Variants in FKBP15 observed in about 807,000 individuals in gnomAD.
FKBP15 encodes the protein FK506-binding protein 15.
In FKBP15, 106 loss-of-function variants were observed where a neutral mutation model predicts 158.1. The observed-to-expected ratio is 0.67, with a 90% CI of 0.57 to 0.79. FKBP15 has a LOEUF of 0.79. Ranked by LOEUF, FKBP15 falls within the 30% of genes least tolerant of loss-of-function variation. The pLI, the probability that FKBP15 is intolerant of heterozygous loss-of-function variation, is 0.00. For synonymous variants in FKBP15, 547 were observed against 548.6 expected, an observed-to-expected ratio of 1.00 and a Z score of 0.04; for missense variants, 1,287 against 1,479.1, an observed-to-expected ratio of 0.87 and a Z score of 2.13.
At chr9:113,195,606 C>A (rs1219245980) in intron 9 of FKBP15, among the ~76,000 whole-genome samples, 1 of 152,154 alleles carries the variant, frequency 6.6e-6, no homozygotes, top group Non-Finnish European at 1.5e-5. Context: ...GAAGCACATC[C>A]TTTCTCTGTG....
chr9:113,185,321 G>A (rs547331899), intron 15 of FKBP15, among the ~76,000 whole-genome samples: 20 of 152,306 alleles, frequency 1.3e-4, no homozygotes, highest in Admixed American at 3.9e-4. Flanking sequence ...GGTGACACGC[G>A]TACACAGTTG....
chr9:113,171,755 T>C, intron 23 of FKBP15, 49 bp from the exon 24 acceptor site: 1 of 1,135,852 alleles, frequency 8.8e-7, no homozygotes, highest in Non-Finnish European at 1.2e-6. Context: ...CAGGTGAAGG[T>C]CAGAAAACCC....
At chr9:113,192,428 A>G (rs1328154141) in intron 11 of FKBP15, among the ~76,000 whole-genome samples, 2 of 152,210 alleles carry the variant, frequency 1.3e-5, no homozygotes, top group African/African-American at 4.8e-5. Flanking sequence ...CACAGGCAGC[A>G]AACTCAGAAG....
chr9:113,179,507 C>T (rs1830355450), intron 19 of FKBP15, among the ~76,000 whole-genome samples: 1 of 151,692 alleles, frequency 6.6e-6, no homozygotes, highest in Non-Finnish European at 1.5e-5. Flanking sequence ...ACTAAAAATA[C>T]AAAAATTAGC....
intron 9 of FKBP15, among the ~76,000 whole-genome samples, chr9:113,195,983 A>T (rs902413997): frequency 6.6e-6 from 1 of 152,030 alleles, no homozygotes; most frequent in African/African-American, 2.4e-5. Flanking sequence ...TGTACATATG[A>T]CTATGTATAT....
At position 113,168,498 on chromosome 9, in the gene FKBP15, G is replaced by C; in HGVS notation, c.3544C>G (p.Pro1182Ala). ...FKGATLKALR[P>A]KAQPEEEDED... ...TCCTCCTCCTCAGGCTGTGCTTTGG[G>C]CCTCAGAGCTTTCAGAGTTGCCCCT... The change falls in exon 27 of 28, where the codon CCC becomes GCC. Residue 1182 changes from proline to alanine, a missense_variant. Coordinates refer to ENST00000238256, the MANE Select transcript of FKBP15 (RefSeq NM_015258.2). 2.5e-6 allele frequency: 4 copies of C among 1,613,936 alleles called. No individual in the cohort carries two copies. Among genetic ancestry groups the C allele is most frequent in the Non-Finnish European group, 3.4e-6 (4 of 1,179,862 alleles).
Position 113,171,691 on chromosome 9 carries a change from C to G in FKBP15, c.2548G>C (p.Ala850Pro). 6.3e-7 allele frequency: 1 copy of G among 1,596,494 alleles called. No homozygotes were observed. Among genetic ancestry groups the G allele is most frequent in the Non-Finnish European group, 8.5e-7 (1 of 1,171,182 alleles). Residue 850 changes from alanine (A) to proline (P), a missense_variant, in exon 24 of 28, where the codon GCC (alanine) becomes CCC (proline). Coordinates refer to ENST00000238256, the MANE Select transcript of FKBP15 (RefSeq NM_015258.2). ...TGCTTGGTGAGAGCTGTGATTTGGG[C>G]CTGGAGGGCTAAACACTGCAAAACA... ...QLQEKCLALQ[A>P]QITALTKQNE...
At chr9:113,205,902 G>A (rs73655845) in intron 4 of FKBP15, 34,602 of 151,960 alleles carry the variant, frequency 0.23, 4,612 homozygotes, top group African/African-American at 0.36. Flanking sequence ...TATGTGAAAT[G>A]AAATACATCA....
Position 113,184,539 on chromosome 9 carries a change from A to G in FKBP15, c.1609-140T>C. The G allele has an allele frequency of 1.1e-6, 1 of 912,038 alleles. No homozygotes were observed. The highest frequency in any genetic ancestry group is 2.2e-4 in the Middle Eastern group (1 of 4,640). 56.5% of individuals were successfully genotyped at this position (912,038 alleles called of 1,614,324 possible). ...AACTGTTAAGTTAGAGTTTTCTCCT[A>G]CTAACTGGATCCCAACATAATTATA... On this transcript the variant is annotated intron_variant, in intron 16 of 27. Coordinates refer to ENST00000238256, the MANE Select transcript of FKBP15 (RefSeq NM_015258.2). This position sits in a 1 kb window ranked among gnomAD's most constrained non-coding sequence, Gnocchi z 4.5.
chr9:113,200,288 TAAGTA>T (rs992423093), intron 6 of FKBP15, among the ~76,000 whole-genome samples: 3 of 152,190 alleles, frequency 2.0e-5, no homozygotes, highest in African/African-American at 7.2e-5. Context: ...TGAGCTAATA[TAAGTA>T]GAGTACTTGA....
chr9:113,171,419 C>T (rs1045419418), intron 24 of FKBP15, among the ~76,000 whole-genome samples, 162 bp downstream of exon 24: 42 of 152,108 alleles, frequency 2.8e-4, no homozygotes, highest in Admixed American at 6.5e-5. Flanking sequence ...AGTGAGACTC[C>T]GTCTCAAACA....
At chr9:113,193,948 C>T (rs963790084) in intron 10 of FKBP15, 79 bp downstream of exon 10, 3 of 1,427,904 alleles carry the variant, frequency 2.1e-6, no homozygotes, top group African/African-American at 2.9e-5. Context: ...TAGTTTTTAA[C>T]TATATCTCTA....
rs1342936467 is a variant in FKBP15, at chr9:113,179,755, C to T, written c.1915-954G>A. The stretch of plus-strand genomic sequence containing the variant: ...CTGTGGGGTAATCATTCTTTTATTC[C>T]TTCACTTAATAAACTTGCTTTCACT... On this transcript the variant is annotated intron_variant, in intron 19 of 27. Transcript: ENST00000238256. Among the ~76,000 whole-genome samples, 4 of 151,450 alleles carry T rather than the reference C, an allele frequency of 2.6e-5. No homozygotes were observed. In the East Asian group the frequency reaches 7.7e-4, roughly 29 times the overall value.
In FKBP15 at chr9:113,206,712, ATTTTTTTTT is replaced by A. The variant is rs35902681; in HGVS notation, c.255-143_255-135del. ...CAGGGACACAGGTGAGCGGTTTAAAATTTTTTTTTTTTTTTTTTTTTTTGAGACAGAGTC... is the reference window on the plus strand; with the variant it reads ...CAGGGACACAGGTGAGCGGTTTAAAATTTTTTTTTTTTTTGAGACAGAGTC... On this transcript the variant is annotated intron_variant, in intron 3 of 27. Coordinates refer to ENST00000238256, the MANE Select transcript of FKBP15 (RefSeq NM_015258.2). The A allele has an allele frequency of 1.5e-3, 448 of 290,364 alleles. 3 individuals carry two copies. The African/African-American group carries it at 0.017, about 11-fold the overall frequency. 18.0% of individuals were successfully genotyped at this position (290,364 alleles called of 1,614,324 possible). A position where few individuals can be genotyped will look rare whatever the true frequency, so the allele number is the denominator to read the frequency against.
chr9:113,206,891 A>G (rs1407346052), intron 3 of FKBP15: 1 of 426,516 alleles, frequency 2.3e-6, no homozygotes, highest in Non-Finnish European at 4.2e-6. Flanking sequence ...CCAGCAGTTT[A>G]TAATTTAAAG....
At chr9:113,186,197 G>A (rs773910755) in intron 15 of FKBP15, 52 bp downstream of exon 15, 1 of 1,299,086 alleles carries the variant, frequency 7.7e-7, no homozygotes, top group Non-Finnish European at 1.1e-6. Context: ...AGCAAGAAGA[G>A]GGAAAGCACA....
intron 4 of FKBP15, among the ~76,000 whole-genome samples, chr9:113,205,451 A>C (rs1830869032): frequency 6.6e-6 from 1 of 152,196 alleles, no homozygotes. Flanking sequence ...ATGCACATTA[A>C]AACCACAATA....
At chr9:113,220,757 A>C (rs1831233990) in intron 1 of FKBP15, among the ~76,000 whole-genome samples, 1 of 152,210 alleles carries the variant, frequency 6.6e-6, no homozygotes, top group African/African-American at 2.4e-5. Context: ...AAAGCATCCA[A>C]AACGTGACAT....
At position 113,169,565 on chromosome 9, in the gene FKBP15, G is replaced by C; in HGVS notation, c.3144C>G (p.Pro1048=). The C allele has an allele frequency of 6.2e-7, 1 of 1,614,040 alleles. No individual in the cohort carries two copies. Among genetic ancestry groups the C allele is most frequent in the Non-Finnish European group, 8.5e-7 (1 of 1,179,886 alleles). The change falls in exon 26 of 28, where the codon CCC becomes CCG. Residue 1048 remains proline, a synonymous_variant. Transcript: ENST00000238256. ...LGPPTSIPPE[P]LGPVSMDSEC... is the part of the protein sequence containing the mutation. Reference sequence around the variant, plus strand: ...CAGAGTCCATGGATACAGGGCCTAGGGGCTCAGGTGGAATTGAAGTCGGGG... The same window carrying C: ...CAGAGTCCATGGATACAGGGCCTAGCGGCTCAGGTGGAATTGAAGTCGGGG...
Sources: allele counts gnomAD v4.1 joint callset (sites outside exome capture counted in the v4.1 genomes callset), GRCh38; gene constraint gnomAD v4.1.1; non-coding constraint Gnocchi (gnomAD v3.1); transcripts MANE v1.5; gene names NCBI Gene and HGNC (gene_info 2026-07-23, HGNC 2026-07-21).